The following SYNE2 variants were observed in gnomAD, a reference collection of about 807,000 sequenced individuals.
SYNE2 encodes the protein spectrin repeat containing nuclear envelope protein 2, also known as nesprin-2.
A neutral mutation model predicts 856.3 loss-of-function variants in SYNE2; 431 were observed. The ratio of observed to expected loss-of-function variants is 0.50; its 90% CI spans 0.47 to 0.55. The LOEUF (loss-of-function observed/expected upper bound fraction) is 0.55. Ranked by LOEUF, SYNE2 falls within the 20% of genes least tolerant of loss-of-function variation. The pLI is 0.00. For synonymous variants in SYNE2, 2,923 were observed against 2,872.3 expected, an observed-to-expected ratio of 1.02 and a Z score of -0.56; for missense variants, 8,129 against 8,023.2, an observed-to-expected ratio of 1.01 and a Z score of -0.50.
intron 98 of SYNE2, chr14:64,189,092 G>A (rs1050050037): frequency 4.6e-6 from 3 of 655,608 alleles, no homozygotes; most frequent in African/African-American, 3.6e-5. Context: ...CTAGCACTTT[G>A]GGAGGCCAAG....
intron 110 of SYNE2, among the ~76,000 whole-genome samples, chr14:64,219,902 C>G (rs950210789): frequency 2.0e-5 from 3 of 152,148 alleles, no homozygotes; most frequent in African/African-American, 7.2e-5. Context: ...AAGTCCTGAC[C>G]CCACTGGAAC....
intron 8 of SYNE2, chr14:63,960,691 T>C (rs780619821): frequency 1.2e-5 from 9 of 744,746 alleles, no homozygotes; most frequent in Non-Finnish European, 2.2e-5. Context: ...CTGTGACATA[T>C]TGCATTCACC....
intron 1 of SYNE2, among the ~76,000 whole-genome samples, chr14:63,842,480 T>C (rs1241195258): frequency 6.9e-6 from 1 of 144,226 alleles, no homozygotes; most frequent in Non-Finnish European, 1.5e-5. Context: ...TTTTTATTGA[T>C]ACAGAGTCTT....
chr14:63,775,122 G>A (rs1441018516), intron 1 of SYNE2, among the ~76,000 whole-genome samples: 2 of 151,966 alleles, frequency 1.3e-5, no homozygotes, highest in African/African-American at 4.8e-5. Flanking sequence ...GATTACAGGT[G>A]CCCACCACCA....
chr14:64,065,790 GT>G, intron 51 of SYNE2, 140 bp downstream of exon 51: 1 of 934,628 alleles, frequency 1.1e-6, no homozygotes, highest in Non-Finnish European at 1.7e-6. Flanking sequence ...ATACATAAAT[GT>G]TTATAGATGT....
intron 19 of SYNE2, 109 bp from the exon 20 acceptor site, chr14:63,990,302 T>G (rs1404785534): frequency 1.3e-5 from 14 of 1,076,376 alleles, no homozygotes; most frequent in Non-Finnish European, 1.9e-5. Flanking sequence ...CAAATTTGCC[T>G]GATTTTGGAT....
chr14:63,803,959 A>G (rs894136022), intron 1 of SYNE2, among the ~76,000 whole-genome samples: 3 of 152,182 alleles, frequency 2.0e-5, no homozygotes, highest in Non-Finnish European at 4.4e-5. Flanking sequence ...GTAAGTTCTC[A>G]CAAGATCAAG....
intron 1 of SYNE2, among the ~76,000 whole-genome samples, chr14:63,878,752 A>T (rs755875103): frequency 6.6e-6 from 1 of 152,098 alleles, no homozygotes; most frequent in Non-Finnish European, 1.5e-5. Flanking sequence ...CATGTTGGTT[A>T]GCCTGGTCTC....
At chr14:64,006,952 A>G in intron 30 of SYNE2, 91 bp from the exon 31 acceptor site, 3 of 1,012,172 alleles carry the variant, frequency 3.0e-6, no homozygotes, top group Admixed American at 3.5e-5. Context: ...AGGACAAATT[A>G]AAGTTAGTGT....
intron 1 of SYNE2, among the ~76,000 whole-genome samples, chr14:63,836,680 C>T (rs1235466896): frequency 6.6e-6 from 1 of 152,208 alleles, no homozygotes; most frequent in African/African-American, 2.4e-5. Flanking sequence ...AAGACACCAT[C>T]ATCTCTTGCC....
intron 1 of SYNE2, among the ~76,000 whole-genome samples, chr14:63,814,679 C>CATAT (rs201098918): frequency 3.3e-4 from 21 of 63,230 alleles, no homozygotes; most frequent in African/African-American, 1.0e-3. Flanking sequence ...CATATATATC[C>CATAT]ATATATATCC....
At chr14:64,190,273 A>G (rs909303072) in intron 99 of SYNE2, 36 bp downstream of exon 99, 1 of 1,613,154 alleles carries the variant, frequency 6.2e-7, no homozygotes, top group Non-Finnish European at 8.5e-7. Context: ...CTCTCCAGGA[A>G]CAGTAATTAC....
chr14:64,148,830 A>C (rs1460920408), intron 84 of SYNE2, among the ~76,000 whole-genome samples: 1 of 152,126 alleles, frequency 6.6e-6, no homozygotes, highest in African/African-American at 2.4e-5. Context: ...GTCGTCTACC[A>C]GATTGTGGGA....
chr14:64,133,296 G>A (rs1395577043), intron 77 of SYNE2, among the ~76,000 whole-genome samples: 1 of 152,130 alleles, frequency 6.6e-6, no homozygotes, highest in African/African-American at 2.4e-5. Context: ...TTTCTAGTTA[G>A]TGTGTCAAGT....
chr14:64,147,000 A>G lies in SYNE2; in HGVS notation c.15639+777A>G, dbSNP rs144591134. 2.0e-4 allele frequency among the ~76,000 whole-genome samples: 31 copies of G among 152,264 alleles called. No individual in the cohort carries two copies. In the East Asian group the frequency reaches 5.0e-3, roughly 25 times the overall value. ...AGCGGCCCTTTTCACCTGCTCGTAT[A>G]CTGTTCCCACCTCCCAATGAGCCAT... On this transcript the variant is annotated intron_variant, in intron 84 of 115. Transcript: ENST00000555002.
chr14:63,996,948 C>T lies in SYNE2; in HGVS notation c.2942C>T (p.Ala981Val), dbSNP rs1466945953. Residue 981 changes from alanine (A) to valine (V), a missense_variant and splice_region_variant, in exon 24 of 116, where the codon GCC becomes GTC. Ala to Val is a moderately conservative substitution (Grantham distance 64, BLOSUM62 0). Transcript: ENST00000555002. ...RTKGLIKEHEACFSEEGCLYQ... is the reference protein window; with the variant it reads ...RTKGLIKEHEVCFSEEGCLYQ... ...TTCCTGCTTTATTTCTTCAATTAGG[C>T]CTGCTTTTCTGAGGAAGGCTGCCTG... The T allele has an allele frequency of 1.9e-6, 3 of 1,613,972 alleles. No individual in the cohort carries two copies. The highest frequency in any genetic ancestry group is 1.7e-5 in the Admixed American group (1 of 59,994).
chr14:64,202,285 C>T, intron 99 of SYNE2: 1 of 702,348 alleles, frequency 1.4e-6, no homozygotes, highest in Non-Finnish European at 2.6e-6. Context: ...GGCACATGTT[C>T]TCTGCTTACT....
At chr14:64,049,900 G>C in intron 47 of SYNE2, 24 bp downstream of exon 47, 1 of 1,612,254 alleles carries the variant, frequency 6.2e-7, no homozygotes, top group South Asian at 1.1e-5. Context: ...TTTAGGACTT[G>C]CATTCTTTTT....
intron 96 of SYNE2, among the ~76,000 whole-genome samples, chr14:64,184,198 T>C (rs1736074895): frequency 2.0e-5 from 3 of 152,160 alleles, no homozygotes. Flanking sequence ...CATTTTGGTA[T>C]CTGAAAACTT....
Sources: allele counts gnomAD v4.1 joint callset (sites outside exome capture counted in the v4.1 genomes callset), GRCh38; gene constraint gnomAD v4.1.1; transcripts MANE v1.5; gene names NCBI Gene and HGNC (gene_info 2026-07-23, HGNC 2026-07-21).